EML4: variants seen among roughly 807,000 people sequenced by gnomAD.
EML4 encodes EMAP like 4.
Under a neutral mutation model 129.0 loss-of-function variants are expected in EML4, and 72 were observed. That is an observed-to-expected ratio of 0.56 (90% confidence interval 0.46 to 0.68). The LOEUF (loss-of-function observed/expected upper bound fraction) is 0.68, where lower values mean the gene tolerates loss of function less well. Among genes scored for constraint, EML4 ranks in the 30% least tolerant of loss-of-function variants. The pLI is 0.00. For missense variants in EML4, 1,363 were observed against 1,190.6 expected (o/e 1.14, Z -2.13); for synonymous variants, 532 against 405.0 (o/e 1.31, Z -3.77).
chr2:42,273,783 A>T (rs192402114), intron 6 of EML4, among the ~76,000 whole-genome samples: 32 of 152,296 alleles, frequency 2.1e-4, no homozygotes, highest in Admixed American at 1.8e-3. Context: ...AAGTTAGATT[A>T]TACCCTTCTA....
intron 19 of EML4, chr2:42,325,237 C>A: frequency 3.4e-6 from 2 of 589,406 alleles, no homozygotes; most frequent in Non-Finnish European, 6.6e-6. Context: ...GTGTCTAATA[C>A]AGGTAGTAGG....
chr2:42,254,531 A>T (rs2104347937), intron 2 of EML4, among the ~76,000 whole-genome samples: 1 of 152,200 alleles, frequency 6.6e-6, no homozygotes, highest in East Asian at 1.9e-4. Flanking sequence ...AATAAAGATT[A>T]GAGCAAAATA....
chr2:42,301,375 C>T lies in EML4; in HGVS notation c.1624C>T (p.Pro542Ser). 4 of 1,610,144 alleles carry T rather than the reference C, an allele frequency of 2.5e-6. No individual in the cohort carries two copies. The highest frequency in any genetic ancestry group is 1.3e-5 in the African/African-American group (1 of 74,682). The change falls in exon 14 of 23, where the codon CCT becomes TCT. Residue 542 changes from proline to serine, a missense_variant. By Grantham distance (74) the Pro-to-Ser change is moderately conservative (BLOSUM62 -1). Transcript: ENST00000318522. Reference protein sequence around the residue: ...KIILWDHDLNPEREIEVPDQY... With the variant: ...KIILWDHDLNSEREIEVPDQY... ...AATTCTGTGGGATCATGATCTGAAT[C>T]CTGAAAGAGAAATAGAGGTAAGGAT...
chr2:42,226,292 A>G (rs1438432622), intron 1 of EML4, among the ~76,000 whole-genome samples: 1 of 152,112 alleles, frequency 6.6e-6, no homozygotes, highest in African/African-American at 2.4e-5. Flanking sequence ...GCCAGAAGAC[A>G]CAAAATTTCA....
At chr2:42,272,217 G>A (rs1023208822) in intron 6 of EML4, among the ~76,000 whole-genome samples, 3 of 152,148 alleles carry the variant, frequency 2.0e-5, no homozygotes, top group African/African-American at 7.2e-5. Flanking sequence ...GCCAGGAAGA[G>A]TTGCGGTTGA....
chr2:42,259,921 G>A (rs550903449), intron 3 of EML4, among the ~76,000 whole-genome samples: 5 of 151,622 alleles, frequency 3.3e-5, no homozygotes, highest in African/African-American at 1.2e-4. Context: ...TAGTAGAGAC[G>A]GGATTTCACC....
intron 11 of EML4, among the ~76,000 whole-genome samples, chr2:42,291,867 A>G (rs907302322): frequency 2.0e-5 from 3 of 152,258 alleles, no homozygotes; most frequent in African/African-American, 7.2e-5. Context: ...TGTCCAGGTG[A>G]TTAATAAGCA....
At chr2:42,265,336 C>T (rs959134631) in intron 6 of EML4, among the ~76,000 whole-genome samples, 1 of 152,148 alleles carries the variant, frequency 6.6e-6, no homozygotes, top group African/African-American at 2.4e-5. Flanking sequence ...AACTCCTGAC[C>T]TCAGGTGATC....
At chr2:42,305,643 TTTAA>T (rs1668557123) in intron 17 of EML4, among the ~76,000 whole-genome samples, 2 of 152,224 alleles carry the variant, frequency 1.3e-5, no homozygotes, top group Admixed American at 1.3e-4. Context: ...TTTATATATC[TTTAA>T]TTGACTCAAC....
rs141967908 is a variant in EML4, at chr2:42,200,904, T to G, written c.25+31268T>G. ...ATGAGGGCCCACTTAGAATGCAGTT[T>G]ATTCCAAGTCTTTTCCACTTCCCCT... On this transcript the variant is annotated intron_variant, in intron 1 of 22. Transcript: ENST00000318522. Among the ~76,000 whole-genome samples the G allele has an allele frequency of 2.4e-4, 37 of 152,286 alleles. No homozygotes were observed. The East Asian group carries it at 2.9e-3, about 12-fold the overall frequency.
intron 3 of EML4, among the ~76,000 whole-genome samples, chr2:42,260,050 A>G (rs973146019): frequency 2.7e-5 from 4 of 148,842 alleles, no homozygotes; most frequent in African/African-American, 9.9e-5. Context: ...TTTTTTAAAG[A>G]GACAGAGTCT....
chr2:42,265,835 T>C (rs539173259), intron 6 of EML4, among the ~76,000 whole-genome samples: 127 of 152,384 alleles, frequency 8.3e-4, no homozygotes, highest in African/African-American at 2.8e-3. Flanking sequence ...GGCTACTTGC[T>C]GTTGTTGGCT....
intron 6 of EML4, among the ~76,000 whole-genome samples, chr2:42,271,017 C>G (rs144713373): frequency 6.6e-6 from 1 of 152,082 alleles, no homozygotes; most frequent in Non-Finnish European, 1.5e-5. Flanking sequence ...CATCTCAGCC[C>G]CCAGAGTAGC....
At chr2:42,243,348 C>G (rs114462809) in intron 1 of EML4, among the ~76,000 whole-genome samples, 1 of 151,348 alleles carries the variant, frequency 6.6e-6, no homozygotes. Context: ...GCTAGACCAC[C>G]GTGGAAGTGA....
intron 21 of EML4, among the ~76,000 whole-genome samples, chr2:42,327,041 C>T (rs920608950): frequency 6.6e-6 from 1 of 152,168 alleles, no homozygotes; most frequent in Non-Finnish European, 1.5e-5. Context: ...CCAGCAACCA[C>T]TAATCTGTTA....
At chr2:42,313,384 C>A (rs1008000789) in intron 17 of EML4, among the ~76,000 whole-genome samples, 1 of 152,178 alleles carries the variant, frequency 6.6e-6, no homozygotes, top group African/African-American at 2.4e-5. Flanking sequence ...GGGCCATGGT[C>A]ACTCATATTT....
chr2:42,268,578 A>G (rs1172345294), intron 6 of EML4, among the ~76,000 whole-genome samples: 1 of 152,126 alleles, frequency 6.6e-6, no homozygotes, highest in Non-Finnish European at 1.5e-5. Context: ...CTGAGACTAC[A>G]GGCACATACC....
At chr2:42,217,736 T>TG (rs1673287030) in intron 1 of EML4, among the ~76,000 whole-genome samples, 1 of 152,264 alleles carries the variant, frequency 6.6e-6, no homozygotes, top group Non-Finnish European at 1.5e-5. Context: ...GCTTGATTGC[T>TG]GAACTGTAGT....
chr2:42,188,443 A>G (rs1020679577), intron 1 of EML4, among the ~76,000 whole-genome samples: 8 of 151,888 alleles, frequency 5.3e-5, no homozygotes, highest in Admixed American at 1.3e-4. Context: ...GCTGGTCTCA[A>G]ACTCCTGGGC....
Sources: allele counts gnomAD v4.1 joint callset (sites outside exome capture counted in the v4.1 genomes callset), GRCh38; gene constraint gnomAD v4.1.1; transcripts MANE v1.5; gene names NCBI Gene and HGNC (gene_info 2026-07-23, HGNC 2026-07-21).